The following KHDRBS2 variants were observed in gnomAD, a reference collection of about 807,000 sequenced individuals.
The protein encoded by KHDRBS2 is KH domain-containing, RNA-binding, signal transduction-associated protein 2.
In KHDRBS2, 26 loss-of-function variants were observed where a neutral mutation model predicts 44.3. That is an observed-to-expected ratio of 0.59 (90% CI 0.43 to 0.81). KHDRBS2 has a LOEUF of 0.81. Ranked by LOEUF, KHDRBS2 falls within the 40% of genes least tolerant of loss-of-function variation. The pLI is 0.00. For synonymous variants in KHDRBS2, 194 were observed against 151.1 expected, an observed-to-expected ratio of 1.28 and a Z score of -2.08; for missense variants, 476 against 433.1, an observed-to-expected ratio of 1.10 and a Z score of -0.88.
chr6:61,603,272 C>T, the KHDRBS2 span, among the ~76,000 whole-genome samples: 1 of 152,166 alleles, frequency 6.6e-6, no homozygotes, highest in Non-Finnish European at 1.5e-5. Flanking sequence ...CTTGCCTATC[C>T]ACCACGTGGT....
In KHDRBS2 at chr6:61,866,028, A is replaced by C. The variant is rs147792849; in HGVS notation, c.810+28607T>G. On this transcript the variant is annotated intron_variant, in intron 6 of 8. Transcript: ENST00000281156. ...TCTCCAGCTTCCAGGTGCACATTACAAGCTATTGGTGGATCTACTATTCTG... is the reference window on the plus strand; with the variant it reads ...TCTCCAGCTTCCAGGTGCACATTACCAGCTATTGGTGGATCTACTATTCTG... Among the ~76,000 whole-genome samples the C allele has an allele frequency of 4.6e-3, 705 of 152,288 alleles. 10 individuals are homozygous for C. The highest frequency in any genetic ancestry group is 0.016 in the African/African-American group (665 of 41,570).
chr6:62,126,273 G>A (rs895488058), intron 2 of KHDRBS2, among the ~76,000 whole-genome samples: 3 of 152,192 alleles, frequency 2.0e-5, no homozygotes, highest in South Asian at 2.1e-4. Context: ...ATGAAAAAAG[G>A]AGGGAAATGT....
chr6:61,816,182 T>C (rs1788901468), intron 6 of KHDRBS2, among the ~76,000 whole-genome samples: 1 of 152,170 alleles, frequency 6.6e-6, no homozygotes, highest in South Asian at 2.1e-4. Flanking sequence ...TTGGTTAAAT[T>C]GTGTCCCCAA....
chr6:61,667,847 G>A, the KHDRBS2 span, among the ~76,000 whole-genome samples: 1 of 151,114 alleles, frequency 6.6e-6, no homozygotes, highest in African/African-American at 2.4e-5. Flanking sequence ...TAGAATTAGT[G>A]ATGGAAAATT....
chr6:61,928,064 T>G (rs2127364326), intron 4 of KHDRBS2, among the ~76,000 whole-genome samples: 1 of 152,242 alleles, frequency 6.6e-6, no homozygotes, highest in South Asian at 2.1e-4. Flanking sequence ...GGGTTCTGCT[T>G]ACTGCTTGCA....
At chr6:62,197,581 C>A (rs1007610631) in intron 1 of KHDRBS2, among the ~76,000 whole-genome samples, 7 of 152,010 alleles carry the variant, frequency 4.6e-5, no homozygotes, top group African/African-American at 9.7e-5. Context: ...CCCAGTTTTT[C>A]AGACTAATAA....
rs116500822 is a variant in KHDRBS2, at chr6:62,055,986, A to T, written c.220-7992T>A. Among the ~76,000 whole-genome samples the T allele has an allele frequency of 6.4e-3, 980 of 152,106 alleles. 6 individuals are homozygous for T. The highest frequency in any genetic ancestry group is 0.017 in the Middle Eastern group (5 of 294). ...CAAACTTCCAGTCTGTGATCATGAC[A>T]GGCTTCATAGAATATCCTGGAGCTC... On this transcript the variant is annotated intron_variant, in intron 2 of 8. Transcript: ENST00000281156.
At chr6:61,985,019 CT>C (rs1197249736) in intron 3 of KHDRBS2, among the ~76,000 whole-genome samples, 1 of 152,052 alleles carries the variant, frequency 6.6e-6, no homozygotes, top group Non-Finnish European at 1.5e-5. Context: ...GATAAGTAAC[CT>C]TTTTGACAAT....
In KHDRBS2 at chr6:62,174,590, G is replaced by A. The variant is rs147888931; in HGVS notation, c.219+2595C>T. ...TTCAACTAAGTCAGCAGATTAACTT[G>A]AATTTGGAGAGTAACTGAAACACAA... On this transcript the variant is annotated intron_variant, in intron 2 of 8. Transcript: ENST00000281156. Among the ~76,000 whole-genome samples, 44 of 151,788 alleles carry A rather than the reference G, an allele frequency of 2.9e-4. No individual in the cohort carries two copies. In the East Asian group the frequency reaches 8.5e-3, roughly 29 times the overall value.
intron 6 of KHDRBS2, among the ~76,000 whole-genome samples, chr6:61,752,968 G>T (rs1777938121): frequency 6.6e-6 from 1 of 152,098 alleles, no homozygotes; most frequent in South Asian, 2.1e-4. Flanking sequence ...AAGCAGACTT[G>T]CAGAATTCTA....
chr6:61,738,224 T>C (rs1775671733), intron 6 of KHDRBS2, among the ~76,000 whole-genome samples: 1 of 152,150 alleles, frequency 6.6e-6, no homozygotes. Flanking sequence ...GCACATCCGA[T>C]GTGTCCAGTA....
chr6:61,645,524 T>TA, the KHDRBS2 span, among the ~76,000 whole-genome samples: 3,319 of 147,508 alleles, frequency 0.023, 98 homozygotes, highest in African/African-American at 0.069. Flanking sequence ...TTGGCAGCCA[T>TA]AAAAAAAAAA....
chr6:62,070,067 T>G (rs1222527049), intron 2 of KHDRBS2, among the ~76,000 whole-genome samples: 1 of 151,736 alleles, frequency 6.6e-6, no homozygotes, highest in Non-Finnish European at 1.5e-5. Context: ...TTAAGATTCA[T>G]ATGGTTTTTG....
chr6:61,701,246 TG>T (rs1394554430), intron 7 of KHDRBS2, among the ~76,000 whole-genome samples: 1 of 151,922 alleles, frequency 6.6e-6, no homozygotes, highest in African/African-American at 2.4e-5. Context: ...CAAATAAGAA[TG>T]GTCATTTTAC....
chr6:61,579,153 C>G, the KHDRBS2 span, among the ~76,000 whole-genome samples: 2 of 152,238 alleles, frequency 1.3e-5, no homozygotes, highest in African/African-American at 4.8e-5. Flanking sequence ...AAACCTCCCT[C>G]CTTTGCTTTA....
intron 8 of KHDRBS2, among the ~76,000 whole-genome samples, chr6:61,691,198 A>G (rs569459534): frequency 6.6e-6 from 1 of 152,148 alleles, no homozygotes; most frequent in Non-Finnish European, 1.5e-5. Flanking sequence ...TAAGGAGTGC[A>G]TTATTCAAAA....
At chr6:62,138,847 C>G (rs1584914973) in intron 2 of KHDRBS2, among the ~76,000 whole-genome samples, 1 of 152,138 alleles carries the variant, frequency 6.6e-6, no homozygotes, top group East Asian at 1.9e-4. Flanking sequence ...ATAAACAAAC[C>G]TGCATCTTCA....
At chr6:61,698,921 A>G (rs1326906280) in intron 7 of KHDRBS2, among the ~76,000 whole-genome samples, 9 of 152,086 alleles carry the variant, frequency 5.9e-5, no homozygotes, top group Non-Finnish European at 1.0e-4. Flanking sequence ...TGATCAGTCT[A>G]TTTAGACCAG....
chr6:62,279,049 G>C (rs1382511941), intron 1 of KHDRBS2, among the ~76,000 whole-genome samples: 2 of 151,976 alleles, frequency 1.3e-5, no homozygotes, highest in Non-Finnish European at 2.9e-5. Flanking sequence ...AGCTGAGATT[G>C]TGCCACTGCA....
Sources: gnomAD v4.1 joint callset for allele counts (sites outside exome capture counted in the v4.1 genomes callset) on GRCh38, gnomAD v4.1.1 for gene constraint, MANE v1.5 for transcripts, NCBI Gene and HGNC (gene_info 2026-07-23, HGNC 2026-07-21) for gene names.